The following RIMS1 variants were observed in gnomAD, a reference collection of about 807,000 sequenced individuals.
RIMS1 encodes regulating synaptic membrane exocytosis 1.
In RIMS1, 83 loss-of-function variants were observed where a neutral mutation model predicts 214.1. The observed-to-expected ratio is 0.39, with a 90% CI of 0.32 to 0.47. The LOEUF (loss-of-function observed/expected upper bound fraction) is 0.47, where lower values mean the gene tolerates loss of function less well. RIMS1 is among the 20% of genes least tolerant of loss of function. RIMS1 has a pLI of 0.99. For synonymous variants in RIMS1, 793 were observed against 786.8 expected (o/e 1.01, Z -0.13); for missense variants, 2,050 against 2,161.8 (o/e 0.95, Z 1.03).
intron 6 of RIMS1, among the ~76,000 whole-genome samples, chr6:72,230,305 A>G (rs1056692219): frequency 3.3e-5 from 5 of 151,784 alleles, no homozygotes; most frequent in Admixed American, 2.6e-4. Context: ...AATATGCTGC[A>G]TATTACTTCT....
intron 28 of RIMS1, 63 bp downstream of exon 28, chr6:72,313,735 C>A: frequency 6.8e-7 from 1 of 1,463,470 alleles, no homozygotes; most frequent in Non-Finnish European, 9.2e-7. Context: ...ATACAACTAG[C>A]TTCCTGAATA....
At chr6:72,267,078 G>A (rs1422512017) in intron 22 of RIMS1, among the ~76,000 whole-genome samples, 2 of 151,926 alleles carry the variant, frequency 1.3e-5, no homozygotes, top group African/African-American at 2.4e-5. Context: ...TTTAAATTGT[G>A]TATTCTTTTA....
chr6:72,396,603 T>C (rs755977357), intron 31 of RIMS1, among the ~76,000 whole-genome samples: 3 of 152,148 alleles, frequency 2.0e-5, no homozygotes, highest in Non-Finnish European at 4.4e-5. Context: ...ATTCATGTAA[T>C]GGAATATTAT....
At chr6:72,036,019 A>G (rs573794554) in intron 2 of RIMS1, among the ~76,000 whole-genome samples, 32 of 152,314 alleles carry the variant, frequency 2.1e-4, no homozygotes, top group African/African-American at 7.7e-4. Context: ...ATTCAAATCT[A>G]TTATAATACT....
At chr6:72,056,355 C>T (rs750997111) in intron 2 of RIMS1, among the ~76,000 whole-genome samples, 6 of 152,164 alleles carry the variant, frequency 3.9e-5, no homozygotes, top group African/African-American at 1.4e-4. Context: ...GTATACCAAA[C>T]ACCCATGACA....
chr6:72,080,507 G>T (rs959402332), intron 2 of RIMS1, among the ~76,000 whole-genome samples: 5 of 152,156 alleles, frequency 3.3e-5, no homozygotes, highest in Non-Finnish European at 5.9e-5. Context: ...AGGAGCCAGA[G>T]GGAGCGTATG....
At chr6:72,095,794 A>G (rs1292131801) in intron 2 of RIMS1, among the ~76,000 whole-genome samples, 1 of 152,224 alleles carries the variant, frequency 6.6e-6, no homozygotes, top group East Asian at 1.9e-4. Flanking sequence ...AGAACATCAA[A>G]CTAACTGCCT....
At chr6:72,152,276 A>G (rs1416951690) in intron 4 of RIMS1, among the ~76,000 whole-genome samples, 1 of 152,208 alleles carries the variant, frequency 6.6e-6, no homozygotes, top group Non-Finnish European at 1.5e-5. Context: ...CACTTTGCAA[A>G]TGCTAATTTA....
chr6:72,361,567 A>G (rs1240863148), intron 29 of RIMS1, among the ~76,000 whole-genome samples: 1 of 152,214 alleles, frequency 6.6e-6, no homozygotes, highest in Non-Finnish European at 1.5e-5. Context: ...TGAGCTTGGC[A>G]CAAAAGTAAG....
chr6:71,981,338 A>G (rs1222613252), intron 2 of RIMS1, among the ~76,000 whole-genome samples: 2 of 152,114 alleles, frequency 1.3e-5, no homozygotes, highest in Non-Finnish European at 2.9e-5. Context: ...CCCACTAATA[A>G]TCACATTCAT....
intron 28 of RIMS1, among the ~76,000 whole-genome samples, chr6:72,324,550 A>G (rs2096359275): frequency 1.3e-5 from 2 of 152,010 alleles, no homozygotes; most frequent in South Asian, 2.1e-4. Flanking sequence ...AAAGTGGTGG[A>G]TGGAACTACA....
intron 29 of RIMS1, among the ~76,000 whole-genome samples, chr6:72,338,821 C>T (rs1564249909): frequency 6.7e-6 from 1 of 148,512 alleles, no homozygotes; most frequent in South Asian, 2.1e-4. Context: ...CTACCTGGTG[C>T]CAAACCCATG....
At chr6:71,971,671 T>A (rs999559939) in intron 2 of RIMS1, among the ~76,000 whole-genome samples, 3 of 152,076 alleles carry the variant, frequency 2.0e-5, no homozygotes, top group Admixed American at 6.5e-5. Flanking sequence ...GGTCTCACAA[T>A]CATGCTGGAA....
intron 30 of RIMS1, 157 bp downstream of exon 30, chr6:72,390,893 C>T (rs2098691733): frequency 1.4e-6 from 1 of 694,692 alleles, no homozygotes; most frequent in East Asian, 2.7e-5. Flanking sequence ...TAAGTAAGTA[C>T]ACATGGACAC....
At chr6:72,274,236 T>G (rs992916904) in intron 22 of RIMS1, 113 bp from the exon 23 acceptor site, 1 of 609,496 alleles carries the variant, frequency 1.6e-6, no homozygotes, top group African/African-American at 1.8e-5. Context: ...GAGCAAAGAA[T>G]CTACACTTTG....
At chr6:71,979,784 G>A (rs1448110613) in intron 2 of RIMS1, among the ~76,000 whole-genome samples, 2 of 151,988 alleles carry the variant, frequency 1.3e-5, no homozygotes, top group Non-Finnish European at 1.5e-5. Flanking sequence ...TGCATGAGTA[G>A]GGTAGCCAGG....
At chr6:72,008,838 C>T (rs1015518319) in intron 2 of RIMS1, among the ~76,000 whole-genome samples, 1 of 150,998 alleles carries the variant, frequency 6.6e-6, no homozygotes, top group African/African-American at 2.4e-5. Context: ...TCCTTAGAGA[C>T]CTACAAAGAG....
chr6:72,151,278 G>A (rs1002385317), intron 4 of RIMS1, among the ~76,000 whole-genome samples: 6 of 151,966 alleles, frequency 3.9e-5, no homozygotes, highest in African/African-American at 7.2e-5. Context: ...TCCTGACCTC[G>A]TGATCCGCCC....
At chr6:72,253,310 C>G (rs2074296071) in intron 16 of RIMS1, among the ~76,000 whole-genome samples, 1 of 151,980 alleles carries the variant, frequency 6.6e-6, no homozygotes, top group Admixed American at 6.6e-5. Context: ...GTGATGTGTT[C>G]CCACTGATTA....
Sources: gnomAD v4.1 joint callset for allele counts (sites outside exome capture counted in the v4.1 genomes callset) on GRCh38, gnomAD v4.1.1 for gene constraint, MANE v1.5 for transcripts, NCBI Gene and HGNC (gene_info 2026-07-23, HGNC 2026-07-21) for gene names.